The following LRP1B variants were observed in gnomAD, a reference collection of about 807,000 sequenced individuals.
The protein encoded by LRP1B is low-density lipoprotein receptor-related protein 1B.
LRP1B carries 217 observed loss-of-function variants against 556.6 expected under a neutral mutation model. The ratio of observed to expected loss-of-function variants is 0.39; its 90% confidence interval spans 0.35 to 0.44. LRP1B has a LOEUF of 0.44. LRP1B is among the 20% of genes least tolerant of loss of function. LRP1B has a pLI of 1.00. For synonymous variants in LRP1B, 2,047 were observed against 1,865.8 expected (o/e 1.10, Z -2.50); for missense variants, 5,053 against 5,620.8 (o/e 0.90, Z 3.23).
At chr2:142,056,929 T>G (rs566124951) in intron 1 of LRP1B, among the ~76,000 whole-genome samples, 1 of 152,220 alleles carries the variant, frequency 6.6e-6, no homozygotes, top group African/African-American at 2.4e-5. Context: ...CTCTGTTACC[T>G]TTTCACCTAA....
chr2:141,909,525 C>A (rs34879655), intron 1 of LRP1B, among the ~76,000 whole-genome samples: 6 of 118,138 alleles, frequency 5.1e-5, no homozygotes, highest in South Asian at 2.7e-4. Context: ...AGGTCTCAGA[C>A]ATTTTTTTTT....
intron 1 of LRP1B, among the ~76,000 whole-genome samples, chr2:142,108,983 C>T (rs557895899): frequency 1.6e-4 from 24 of 152,270 alleles, no homozygotes; most frequent in African/African-American, 5.1e-4. Context: ...GCCCAACTGA[C>T]GTCAGGTAAA....
intron 1 of LRP1B, among the ~76,000 whole-genome samples, chr2:142,114,832 T>A (rs1334311490): frequency 6.6e-6 from 1 of 152,078 alleles, no homozygotes; most frequent in African/African-American, 2.4e-5. Context: ...AGATCTGGTG[T>A]TTGATAGCAC....
intron 18 of LRP1B, among the ~76,000 whole-genome samples, chr2:140,967,717 A>C (rs1200617041): frequency 6.6e-6 from 1 of 152,004 alleles, no homozygotes; most frequent in Non-Finnish European, 1.5e-5. Context: ...ATGTCCCATC[A>C]ATACCTAATT....
chr2:140,662,732 T>C (rs1006092146), intron 41 of LRP1B, among the ~76,000 whole-genome samples: 1 of 152,110 alleles, frequency 6.6e-6, no homozygotes, highest in African/African-American at 2.4e-5. Flanking sequence ...TGGCAGTGAG[T>C]ATCTGTTTTC....
At chr2:141,508,785 A>G (rs1325714535) in intron 2 of LRP1B, among the ~76,000 whole-genome samples, 1 of 152,150 alleles carries the variant, frequency 6.6e-6, no homozygotes, top group Non-Finnish European at 1.5e-5. Context: ...TAGATTTTGT[A>G]TATTAGGAAG....
At chr2:140,499,718 A>G (rs1178462384) in intron 55 of LRP1B, among the ~76,000 whole-genome samples, 1 of 151,572 alleles carries the variant, frequency 6.6e-6, no homozygotes, top group Middle Eastern at 3.2e-3. Context: ...ATGTTTAGAA[A>G]AGGTACAGTA....
chr2:140,556,686 A>G (rs1680746578), intron 43 of LRP1B, among the ~76,000 whole-genome samples: 1 of 152,096 alleles, frequency 6.6e-6, no homozygotes, highest in African/African-American at 2.4e-5. Flanking sequence ...TCTGTTTGAA[A>G]CATACTGTTC....
intron 66 of LRP1B, among the ~76,000 whole-genome samples, chr2:140,401,727 G>A (rs1170884760): frequency 6.6e-6 from 1 of 152,174 alleles, no homozygotes; most frequent in African/African-American, 2.4e-5. Context: ...TCTTTTGCAA[G>A]CACCACCTCC....
intron 41 of LRP1B, among the ~76,000 whole-genome samples, chr2:140,655,899 C>T (rs1684863756): frequency 6.6e-6 from 1 of 150,592 alleles, no homozygotes; most frequent in African/African-American, 2.4e-5. Flanking sequence ...GACGAGATCC[C>T]GCCACTGCAC....
At chr2:142,116,825 A>T (rs542996641) in intron 1 of LRP1B, among the ~76,000 whole-genome samples, 12 of 152,292 alleles carry the variant, frequency 7.9e-5, no homozygotes, top group African/African-American at 2.6e-4. Flanking sequence ...GTCTGAAGTC[A>T]GTGTGTGGTA....
chr2:140,449,844 G>A (rs1052941092), intron 63 of LRP1B, among the ~76,000 whole-genome samples: 1 of 152,166 alleles, frequency 6.6e-6, no homozygotes, highest in African/African-American at 2.4e-5. Context: ...CTGGGATGTT[G>A]AGGGAATTAT....
intron 2 of LRP1B, among the ~76,000 whole-genome samples, chr2:141,516,416 C>A (rs914978265): frequency 7.9e-5 from 12 of 152,130 alleles, no homozygotes; most frequent in African/African-American, 2.7e-4. Flanking sequence ...AATGTTAGAT[C>A]ACACAAGATT....
At chr2:140,372,794 G>A (rs1005982689) in intron 69 of LRP1B, among the ~76,000 whole-genome samples, 1 of 152,026 alleles carries the variant, frequency 6.6e-6, no homozygotes. Flanking sequence ...AATTATGCTT[G>A]GATTCCATTC....
chr2:140,898,092 T>C lies in LRP1B; in HGVS notation c.3766+4828A>G, dbSNP rs1417707633. On this transcript the variant is annotated intron_variant, in intron 23 of 90. Coordinates refer to ENST00000389484, the MANE Select transcript of LRP1B (RefSeq NM_018557.3). The stretch of plus-strand genomic sequence containing the variant: ...CTGCCCCATAACCTGGGGGAAGCAA[T>C]GCTGCCCAGAGAAGTTCAGAAGAAT... Among the ~76,000 whole-genome samples the C allele has an allele frequency of 4.6e-5, 7 of 152,252 alleles. No homozygotes were observed. In the East Asian group the frequency reaches 9.7e-4, roughly 21 times the overall value.
chr2:141,043,073 C>A (rs1440035263), intron 11 of LRP1B, among the ~76,000 whole-genome samples: 1 of 147,600 alleles, frequency 6.8e-6, no homozygotes, highest in African/African-American at 2.5e-5. Context: ...CATGGTGGCA[C>A]ACACCTGTGT....
chr2:141,614,080 C>CAGAAAAAAAAAAAAAAAAAAAAAAAAAAA (rs1553543025), intron 2 of LRP1B, among the ~76,000 whole-genome samples: 2 of 47,344 alleles, frequency 4.2e-5, no homozygotes, highest in African/African-American at 8.8e-5. Flanking sequence ...AACTCAGCCT[C>CAGAAAAAAAAAAAAAAAAAAAAAAAAAAA]AAAAAAAAAA....
chr2:140,263,057 A>G (rs1445900761), intron 86 of LRP1B, among the ~76,000 whole-genome samples: 1 of 152,076 alleles, frequency 6.6e-6, no homozygotes, highest in African/African-American at 2.4e-5. Context: ...CCAAGTAGCT[A>G]GAACCACAGG....
At chr2:140,744,906 G>T (rs1688266708) in intron 35 of LRP1B, among the ~76,000 whole-genome samples, 1 of 152,100 alleles carries the variant, frequency 6.6e-6, no homozygotes, top group African/African-American at 2.4e-5. Context: ...GTAGAATAAT[G>T]TTTGACATAC....
Sources: gnomAD v4.1 joint callset for allele counts (sites outside exome capture counted in the v4.1 genomes callset) on GRCh38, gnomAD v4.1.1 for gene constraint, MANE v1.5 for transcripts, NCBI Gene and HGNC (gene_info 2026-07-23, HGNC 2026-07-21) for gene names.